The following LCMT1 variants were observed in gnomAD, a reference collection of about 807,000 sequenced individuals.
LCMT1 encodes the protein [Phosphatase 2A protein]-leucine-carboxy methyltransferase 1.
In LCMT1, 32 loss-of-function variants were observed where a neutral mutation model predicts 47.7. That is an observed-to-expected ratio of 0.67 (90% CI 0.51 to 0.90). LCMT1 has a LOEUF of 0.90. LCMT1 is among the 40% of genes least tolerant of loss of function. The pLI is 0.00. For synonymous variants in LCMT1, 152 were observed against 149.7 expected, an observed-to-expected ratio of 1.02 and a Z score of -0.11; for missense variants, 375 against 415.2, an observed-to-expected ratio of 0.90 and a Z score of 0.84.
intron 4 of LCMT1, chr16:25,148,777 C>G (rs373221909): frequency 6.6e-6 from 1 of 152,170 alleles, no homozygotes; most frequent in African/African-American, 2.4e-5. Context: ...CCCTCCGGCT[C>G]GCAGGCTCAC....
chr16:25,175,229 A>G lies in LCMT1; in HGVS notation c.982+195A>G, dbSNP rs949130041. ...CGGTCATAGCTCATTGCAGCCTTCA[A>G]TTCCTGGGCTCAAGTGATCCTCCTG... On this transcript the variant is annotated intron_variant, in intron 10 of 10. Transcript: ENST00000399069. 4.6e-5 allele frequency among the ~76,000 whole-genome samples: 7 copies of G among 151,994 alleles called. No homozygotes were observed. In the East Asian group the frequency reaches 5.8e-4, roughly 13 times the overall value.
chr16:25,130,136 C>T (rs368252212), intron 2 of LCMT1, among the ~76,000 whole-genome samples: 11 of 151,034 alleles, frequency 7.3e-5, no homozygotes, highest in African/African-American at 2.2e-4. Context: ...GTCAGGAGAT[C>T]GAGACCATCC....
chr16:25,141,728 T>C (rs896394113), intron 4 of LCMT1: 1 of 152,236 alleles, frequency 6.6e-6, no homozygotes, highest in Non-Finnish European at 1.5e-5. Context: ...ATGTGGTTTA[T>C]TACTGTGCAT....
At chr16:25,160,837 T>C (rs952163116) in intron 5 of LCMT1, 20 of 603,482 alleles carry the variant, frequency 3.3e-5, no homozygotes, top group Non-Finnish European at 5.4e-5. Context: ...TGTATGTGTG[T>C]GCGCACCATG....
intron 7 of LCMT1, among the ~76,000 whole-genome samples, chr16:25,167,056 A>G (rs952732511): frequency 1.3e-5 from 2 of 152,204 alleles, no homozygotes; most frequent in African/African-American, 4.8e-5. Context: ...TTTATTCAAC[A>G]TCATATGAGA....
At chr16:25,172,503 C>T (rs577931961) in intron 9 of LCMT1, among the ~76,000 whole-genome samples, 3 of 152,360 alleles carry the variant, frequency 2.0e-5, no homozygotes, top group Non-Finnish European at 2.9e-5. Flanking sequence ...CTGTGTACAG[C>T]GCTAGTGCGC....
chr16:25,132,400 A>G lies in LCMT1; in HGVS notation c.206-2A>G. On this transcript the variant is annotated splice_acceptor_variant, in intron 2 of 10. Coordinates refer to ENST00000399069, the MANE Select transcript of LCMT1 (RefSeq NM_016309.3). LOFTEE classifies it high-confidence loss of function. ...TGTTTCTGTGCCTCCCCTCCCCCCT[A>G]GGATATTTTGCTCGAGTCCATGGTG... is the stretch of plus-strand genomic sequence containing the variant. 6.2e-7 allele frequency: 1 copy of G among 1,613,086 alleles called. No homozygotes were observed. Among genetic ancestry groups the G allele is most frequent in the Non-Finnish European group, 8.5e-7 (1 of 1,179,540 alleles).
At chr16:25,112,104 C>A in intron 1 of LCMT1, 108 bp downstream of exon 1, 1 of 748,352 alleles carries the variant, frequency 1.3e-6, no homozygotes. Flanking sequence ...ATGCAGCCCC[C>A]GCCTCGCACG....
intron 3 of LCMT1, among the ~76,000 whole-genome samples, chr16:25,135,720 A>G (rs1326984828): frequency 6.6e-6 from 1 of 152,148 alleles, no homozygotes; most frequent in Non-Finnish European, 1.5e-5. Context: ...CAGGAGCCCA[A>G]GACTGTACAG....
chr16:25,160,564 CATACT>C (rs1172921693), intron 5 of LCMT1, among the ~76,000 whole-genome samples: 1 of 152,210 alleles, frequency 6.6e-6, no homozygotes, highest in African/African-American at 2.4e-5. Flanking sequence ...TAATTCCACT[CATACT>C]ATCTACTTTA....
intron 7 of LCMT1, among the ~76,000 whole-genome samples, chr16:25,166,520 C>T (rs1419368638): frequency 6.6e-6 from 1 of 152,124 alleles, no homozygotes; most frequent in East Asian, 1.9e-4. Context: ...GCCAGGTCAT[C>T]CTCCCAAGTA....
intron 2 of LCMT1, 41 bp from the exon 3 acceptor site, chr16:25,132,361 A>G (rs1960372848): frequency 6.2e-7 from 1 of 1,609,710 alleles, no homozygotes; most frequent in African/African-American, 1.3e-5. Flanking sequence ...TTCTGTCATC[A>G]CTGGGTGATA....
intron 1 of LCMT1, among the ~76,000 whole-genome samples, chr16:25,125,354 GC>G (rs1960132875): frequency 6.6e-6 from 1 of 152,180 alleles, no homozygotes; most frequent in African/African-American, 2.4e-5. Context: ...AAATCTTTGT[GC>G]CCATACTTGA....
intron 1 of LCMT1, among the ~76,000 whole-genome samples, chr16:25,114,900 G>C (rs1211491533): frequency 6.6e-6 from 1 of 152,082 alleles, no homozygotes; most frequent in Non-Finnish European, 1.5e-5. Flanking sequence ...CAGCTCTCCT[G>C]ATCATTCACC....
chr16:25,138,716 C>A (rs1041093267), intron 3 of LCMT1, among the ~76,000 whole-genome samples: 1 of 152,194 alleles, frequency 6.6e-6, no homozygotes, highest in Non-Finnish European at 1.5e-5. Flanking sequence ...CTTTGATCCC[C>A]GCCCTAGTTT....
At chr16:25,176,486 C>A (rs542404646) in intron 10 of LCMT1, among the ~76,000 whole-genome samples, 1 of 151,324 alleles carries the variant, frequency 6.6e-6, no homozygotes, top group African/African-American at 2.4e-5. Flanking sequence ...CCTAGCTATG[C>A]AGCTCAGCCC....
intron 1 of LCMT1, among the ~76,000 whole-genome samples, chr16:25,119,389 C>T (rs973523970): frequency 2.6e-5 from 4 of 151,994 alleles, no homozygotes; most frequent in African/African-American, 7.3e-5. Context: ...GGAATAGACG[C>T]GATACTGAGC....
intron 1 of LCMT1, among the ~76,000 whole-genome samples, chr16:25,126,496 G>GT (rs1441836798): frequency 1.6e-5 from 1 of 62,010 alleles, no homozygotes; most frequent in African/African-American, 5.0e-5. Context: ...GGCCTCCCCC[G>GT]TGACCGTCTT....
chr16:25,164,484 C>A, intron 6 of LCMT1, 114 bp from the exon 7 acceptor site: 1 of 1,287,522 alleles, frequency 7.8e-7, no homozygotes, highest in East Asian at 2.4e-5. Context: ...TTGCTCAGGC[C>A]TTCTGAGTTC....
Sources: allele counts gnomAD v4.1 joint callset (sites outside exome capture counted in the v4.1 genomes callset), GRCh38; gene constraint gnomAD v4.1.1; transcripts MANE v1.5; gene names NCBI Gene and HGNC (gene_info 2026-07-23, HGNC 2026-07-21).